Variants in SLC23A2 observed in about 807,000 individuals in gnomAD.
The protein encoded by SLC23A2 is solute carrier family 23 member 2.
SLC23A2 carries 36 observed loss-of-function variants against 73.3 expected under a neutral mutation model. The observed-to-expected ratio is 0.49, with a 90% CI of 0.38 to 0.65. SLC23A2 has a LOEUF of 0.65. Ranked by LOEUF, SLC23A2 falls within the 30% of genes least tolerant of loss-of-function variation. The pLI is 0.00. For missense variants in SLC23A2, 507 were observed against 841.6 expected (o/e 0.60, Z 4.92); for synonymous variants, 343 against 327.3 (o/e 1.05, Z -0.52).
At chr20:4,955,232 C>A (rs983977616) in intron 2 of SLC23A2, among the ~76,000 whole-genome samples, 10 of 151,294 alleles carry the variant, frequency 6.6e-5, no homozygotes, top group African/African-American at 2.4e-4. Flanking sequence ...CCAGCCTGGG[C>A]AACAGAGTTA....
At chr20:4,887,516 A>G (rs1931149366) in intron 6 of SLC23A2, among the ~76,000 whole-genome samples, 1 of 152,212 alleles carries the variant, frequency 6.6e-6, no homozygotes, top group Admixed American at 6.5e-5. Context: ...TGGAAATGGC[A>G]AAAGGAAAGA....
rs1370796401 is a variant in SLC23A2 at position 4,862,944 on chromosome 20, A to G, written c.1357-37T>C. 6.3e-7 allele frequency: 1 copy of G among 1,587,994 alleles called. No individual in the cohort carries two copies. Among genetic ancestry groups the G allele is most frequent in the East Asian group, 2.3e-5 (1 of 44,232 alleles). ...ACAGGAGACTGGGAAACAGGGACTC[A>G]TCTCCATGCAAAATCACCGTAAGTT... On this transcript the variant is annotated intron_variant, in intron 13 of 16. Coordinates refer to ENST00000338244, the MANE Select transcript of SLC23A2 (RefSeq NM_005116.6). The surrounding 1 kb of genome is among the most constrained non-coding windows in gnomAD (Gnocchi z 5.1).
intron 2 of SLC23A2, among the ~76,000 whole-genome samples, chr20:4,945,377 C>G (rs555916423): frequency 4.8e-4 from 73 of 152,328 alleles, no homozygotes; most frequent in African/African-American, 1.8e-3. Context: ...GTCAAGCAAT[C>G]GCAGCTCACT....
At chr20:4,920,463 T>C (rs1252708128) in intron 3 of SLC23A2, among the ~76,000 whole-genome samples, 2 of 152,198 alleles carry the variant, frequency 1.3e-5, no homozygotes, top group African/African-American at 4.8e-5. Context: ...TGGAAATCTA[T>C]CCTTCAATTA....
intron 6 of SLC23A2, among the ~76,000 whole-genome samples, chr20:4,891,952 T>C (rs1931346570): frequency 1.3e-5 from 2 of 151,900 alleles, no homozygotes; most frequent in Non-Finnish European, 2.9e-5. Context: ...CAAGGTCTCC[T>C]TATGTTGCCC....
intron 4 of SLC23A2, 85 bp downstream of exon 4, chr20:4,912,795 A>T (rs1600126844): frequency 1.2e-6 from 1 of 865,702 alleles, no homozygotes; most frequent in Non-Finnish European, 2.0e-6. Flanking sequence ...CAAGTGTCTG[A>T]AAGGGATCCG....
chr20:4,865,651 T>C (rs1930163742), intron 13 of SLC23A2, among the ~76,000 whole-genome samples: 1 of 152,074 alleles, frequency 6.6e-6, no homozygotes, highest in South Asian at 2.1e-4. Flanking sequence ...ATTCCCTTCA[T>C]CTACAACAAT....
intron 2 of SLC23A2, among the ~76,000 whole-genome samples, chr20:4,953,315 A>C (rs558738392): frequency 4.6e-5 from 7 of 152,186 alleles, no homozygotes; most frequent in African/African-American, 1.7e-4. Flanking sequence ...AAAAATAATA[A>C]TAATAAAATT....
At position 4,870,138 on chromosome 20, in the gene SLC23A2, T is replaced by C. The variant is rs532589293; in HGVS notation, c.1103-85A>G. 307 of 1,122,518 alleles carry C rather than the reference T, an allele frequency of 2.7e-4. 2 individuals carry two copies. The African/African-American group carries it at 4.3e-3, about 16-fold the overall frequency. 69.5% of individuals were successfully genotyped at this position (1,122,518 alleles called of 1,614,324 possible). On this transcript the variant is annotated intron_variant, in intron 11 of 16. Coordinates refer to ENST00000338244, the MANE Select transcript of SLC23A2 (RefSeq NM_005116.6). ...AGTTACCCAAAGTCATTCTGAACGC[T>C]GCAAGACTCTACAAGATCCACTTGG... is the stretch of plus-strand genomic sequence containing the variant.
intron 1 of SLC23A2, among the ~76,000 whole-genome samples, chr20:4,974,078 G>A (rs77196344): frequency 0.013 from 1,960 of 152,138 alleles, 19 homozygotes; most frequent in Non-Finnish European, 0.02. Flanking sequence ...AGAATGCCAG[G>A]GCCAGTATCA....
At chr20:4,904,466 A>AG (rs1931866779) in intron 4 of SLC23A2, among the ~76,000 whole-genome samples, 1 of 15,194 alleles carries the variant, frequency 6.6e-5, no homozygotes, top group Non-Finnish European at 2.4e-4. Context: ...AAAAACAAAC[A>AG]AAAAAAAAAC....
At chr20:4,991,724 A>T (rs911558264) in intron 1 of SLC23A2, among the ~76,000 whole-genome samples, 19 of 46,436 alleles carry the variant, frequency 4.1e-4, no homozygotes, top group African/African-American at 1.0e-3. Flanking sequence ...TCCGTTTCAC[A>T]CACACACACA....
chr20:4,979,708 T>C (rs1266412612), intron 1 of SLC23A2, among the ~76,000 whole-genome samples: 1 of 152,184 alleles, frequency 6.6e-6, no homozygotes, highest in Non-Finnish European at 1.5e-5. Context: ...TAAAATACTT[T>C]AAACAAAATC....
chr20:4,921,226 C>T (rs2681107), intron 3 of SLC23A2, among the ~76,000 whole-genome samples: 71,854 of 151,962 alleles, frequency 0.47, 17,181 homozygotes, highest in East Asian at 0.65. Flanking sequence ...TTAAAGTCTT[C>T]ATAAAGCAGA....
Position 4,899,283 on chromosome 20 carries a change from G to A in SLC23A2, c.482+272C>T, listed in dbSNP as rs368388045. Among the ~76,000 whole-genome samples the A allele has an allele frequency of 3.3e-5, 5 of 152,244 alleles. No homozygotes were observed. Among genetic ancestry groups the A allele is most frequent in the South Asian group, 2.1e-4 (1 of 4,824 alleles). ...GGGGCACAGAGGGGTGCTGGGGAGC[G>A]AGCATGACTTGCCAAGGGGGCAGGG... On this transcript the variant is annotated intron_variant, in intron 6 of 16. Transcript: ENST00000338244. The surrounding 1 kb of genome is among the most constrained non-coding windows in gnomAD (Gnocchi z 4.9).
intron 2 of SLC23A2, among the ~76,000 whole-genome samples, chr20:4,945,192 G>T (rs940401323): frequency 6.6e-6 from 1 of 152,022 alleles, no homozygotes; most frequent in South Asian, 2.1e-4. Context: ...GTGATTATTT[G>T]ATCTTGTGAT....
intron 3 of SLC23A2, among the ~76,000 whole-genome samples, chr20:4,915,831 C>G (rs1302313528): frequency 6.6e-6 from 1 of 152,026 alleles, no homozygotes; most frequent in African/African-American, 2.4e-5. Context: ...GCCTCTAATC[C>G]CAGCTACTTG....
In SLC23A2 at chr20:4,983,646, T is replaced by TA. The variant is rs35983102; in HGVS notation, c.-281-12728dup. Among the ~76,000 whole-genome samples the TA allele has an allele frequency of 9.2e-3, 789 of 86,164 alleles. 4 individuals are homozygous for TA. The highest frequency in any genetic ancestry group is 0.028 in the East Asian group (99 of 3,490). The allele number at this position is 86,164 out of a possible 152,430, so 56.5% of individuals were successfully genotyped here. A position where few individuals can be genotyped will look rare whatever the true frequency, so the allele number is the denominator to read the frequency against. ...GGGTGACAAAGCAAGACTCCGTCTT[T>TA]AAAAAAAAAAAAAAAAAAAAGACAC... On this transcript the variant is annotated intron_variant, in intron 1 of 16. Coordinates refer to ENST00000338244, the MANE Select transcript of SLC23A2 (RefSeq NM_005116.6).
rs540321922 is a variant in SLC23A2 at position 4,881,860 on chromosome 20, C to G, written c.824+1782G>C. On this transcript the variant is annotated intron_variant, in intron 9 of 16. Transcript: ENST00000338244. ...ATTAATTGCAAAGTTTCAATTTCCT[C>G]TCTGAGAGTGATTTTTAACACTTTT... Among the ~76,000 whole-genome samples, 11 of 152,174 alleles carry G rather than the reference C, an allele frequency of 7.2e-5. 1 individual carries two copies. Among genetic ancestry groups the G allele is most frequent in the African/African-American group, 2.4e-4 (10 of 41,512 alleles).
Sources: allele counts gnomAD v4.1 joint callset (sites outside exome capture counted in the v4.1 genomes callset), GRCh38; gene constraint gnomAD v4.1.1; non-coding constraint Gnocchi (gnomAD v3.1); transcripts MANE v1.5; gene names NCBI Gene and HGNC (gene_info 2026-07-23, HGNC 2026-07-21).